NLRX1: variants seen among roughly 807,000 people sequenced by gnomAD.
The protein encoded by NLRX1 is NLR family member X1, also known as NOD-like receptor X1.
A neutral mutation model predicts 74.2 loss-of-function variants in NLRX1; 67 were observed. The ratio of observed to expected loss-of-function variants is 0.90; its 90% CI spans 0.74 to 1.11. The LOEUF (loss-of-function observed/expected upper bound fraction) is 1.11, where lower values mean the gene tolerates loss of function less well. NLRX1 is among the 50% of genes least tolerant of loss of function. NLRX1 has a pLI of 0.00. For missense variants in NLRX1, 1,191 were observed against 1,305.4 expected (o/e 0.91, Z 1.35); for synonymous variants, 506 against 559.1 (o/e 0.91, Z 1.34).
rs144920564 is a variant in NLRX1, at chr11:119,174,016, C to T, written c.767C>T (p.Thr256Met). Residue 256 changes from threonine to methionine, a missense_variant, in exon 5 of 10, where the codon ACG (threonine) becomes ATG (methionine). Coordinates refer to ENST00000409109, the MANE Select transcript of NLRX1 (RefSeq NM_001282144.2). Reference protein sequence around the residue: ...HLNLDFRLAGTGLCSDPEEPQ... With the variant: ...HLNLDFRLAGMGLCSDPEEPQ... Reference sequence around the variant, plus strand: ...AACCTCGACTTCCGGCTGGCAGGCACGGGACTTTGTAGTGACCCGGAGGAA... The same window carrying T: ...AACCTCGACTTCCGGCTGGCAGGCATGGGACTTTGTAGTGACCCGGAGGAA... 86 of 1,614,148 alleles carry T rather than the reference C, an allele frequency of 5.3e-5. 1 individual carries two copies. In the Middle Eastern group the frequency reaches 6.6e-4, roughly 12 times the overall value.
intron 3 of NLRX1, 25 bp from the exon 4 acceptor site, chr11:119,172,876 G>C (rs769074117): frequency 1.4e-5 from 22 of 1,580,268 alleles, no homozygotes; most frequent in Non-Finnish European, 1.8e-5. Context: ...ACAAGTCCCA[G>C]CTCATCCCCT....
intron 6 of NLRX1, among the ~76,000 whole-genome samples, chr11:119,178,145 G>A (rs990950021): frequency 2.6e-5 from 4 of 152,126 alleles, no homozygotes; most frequent in Non-Finnish European, 5.9e-5. Context: ...TCCAGCCTAG[G>A]TGACACAGCA....
At chr11:119,179,584 G>T in intron 6 of NLRX1, 109 bp from the exon 7 acceptor site, 1 of 910,166 alleles carries the variant, frequency 1.1e-6, no homozygotes, top group Non-Finnish European at 1.7e-6. Flanking sequence ...CTAAGTTCAA[G>T]GGGAGATCAC....
At position 119,180,154 on chromosome 11, in the gene NLRX1, C is replaced by G; in HGVS notation, c.2133C>G (p.Val711=). 1 of 1,613,490 alleles carries G rather than the reference C, an allele frequency of 6.2e-7. No homozygotes were observed. Among genetic ancestry groups the G allele is most frequent in the Middle Eastern group, 1.6e-4 (1 of 6,062 alleles). Residue 711 remains valine, a synonymous_variant, in exon 7 of 10, where the codon GTC becomes GTG. Transcript: ENST00000409109. Reference sequence around the variant, plus strand: ...TGGCAGGTGTGCGCATGACACCAGTCAAGTGCACAGTGGTGGCAGCTGTGC... The same window carrying G: ...TGGCAGGTGTGCGCATGACACCAGTGAAGTGCACAGTGGTGGCAGCTGTGC... The part of the protein sequence containing the change: ...LNLAGVRMTP[V]KCTVVAAVLG...
At position 119,174,739 on chromosome 11, in the gene NLRX1, C is replaced by A; in HGVS notation, c.1136C>A (p.Ala379Asp). The A allele has an allele frequency of 6.2e-7, 1 of 1,613,802 alleles. No homozygotes were observed. The highest frequency in any genetic ancestry group is 8.5e-7 in the Non-Finnish European group (1 of 1,180,044). The change falls in exon 6 of 10, where the codon GCC (alanine) becomes GAC (aspartate). Residue 379 changes from alanine (A) to aspartate (D), a missense_variant. By Grantham distance (126) the Ala-to-Asp change is moderately radical (BLOSUM62 -2). Coordinates refer to ENST00000409109, the MANE Select transcript of NLRX1 (RefSeq NM_001282144.2). Reference protein sequence around the residue: ...FLPSYCWLVCATLHFLHAPTP... With the variant: ...FLPSYCWLVCDTLHFLHAPTP... ...CCGTCCTATTGCTGGCTCGTTTGTGCCACCTTGCACTTCCTGCATGCCCCC... is the reference window on the plus strand; with the variant it reads ...CCGTCCTATTGCTGGCTCGTTTGTGACACCTTGCACTTCCTGCATGCCCCC...
Position 119,180,069 on chromosome 11 carries a change from A to C in NLRX1, c.2048A>C (p.Tyr683Ser). Residue 683 changes from tyrosine (Y) to serine (S), a missense_variant, in exon 7 of 10, where the codon TAT (tyrosine) becomes TCT (serine). Tyr to Ser is a moderately radical substitution (Grantham distance 144). Transcript: ENST00000409109. Reference protein sequence around the residue: ...SELLDHLFFHYEFQNQRFSAE... With the variant: ...SELLDHLFFHSEFQNQRFSAE... ...CTCCTTGACCACCTCTTCTTCCACT[A>C]TGAGTTCCAGAACCAGCGCTTCTCC... The C allele has an allele frequency of 1.2e-6, 2 of 1,613,642 alleles. No individual in the cohort carries two copies. Among genetic ancestry groups the C allele is most frequent in the Non-Finnish European group, 1.7e-6 (2 of 1,179,978 alleles).
rs188616690 is a variant in NLRX1, at chr11:119,172,410, C to G, written c.125C>G (p.Pro42Arg). Residue 42 changes from proline (P) to arginine (R), a missense_variant, in exon 3 of 10, where the codon CCC becomes CGC. Coordinates refer to ENST00000409109, the MANE Select transcript of NLRX1 (RefSeq NM_001282144.2). ...HWSWPLQGER[P>R]FGPPRAFIRH... The stretch of plus-strand genomic sequence containing the variant: ...AGTTGGCCCCTTCAAGGGGAGCGTC[C>G]CTTTGGGCCCCCTAGGTGAGGCCTG... The G allele has an allele frequency of 1.9e-6, 3 of 1,613,112 alleles. No homozygotes were observed. The African/African-American group carries it at 4.0e-5, about 22-fold the overall frequency.
chr11:119,171,457 A>G lies in NLRX1; in HGVS notation c.54A>G (p.Arg18=), dbSNP rs751393236. 6.2e-7 allele frequency: 1 copy of G among 1,613,366 alleles called. No individual in the cohort carries two copies. The highest frequency in any genetic ancestry group is 8.5e-7 in the Non-Finnish European group (1 of 1,179,556). Residue 18 remains arginine (R), a synonymous_variant, in exon 2 of 10, where the codon AGA becomes AGG. Transcript: ENST00000409109. ...CCTCTTGGGGCTCTGGTTTTAGAAGAGCACTCCAGCGACCAGGTGAGCAGG... is the reference window on the plus strand; with the variant it reads ...CCTCTTGGGGCTCTGGTTTTAGAAGGGCACTCCAGCGACCAGGTGAGCAGG... The part of the protein sequence containing the change: ...PRASWGSGFR[R]ALQRPDDRIP...
chr11:119,176,966 G>T (rs1369744025), intron 6 of NLRX1, among the ~76,000 whole-genome samples: 1 of 152,204 alleles, frequency 6.6e-6, no homozygotes, highest in African/African-American at 2.4e-5. Context: ...CTGTGCCTCA[G>T]ATTCCTTATC....
At chr11:119,171,882 G>A (rs1451292076) in intron 2 of NLRX1, among the ~76,000 whole-genome samples, 2 of 152,026 alleles carry the variant, frequency 1.3e-5, no homozygotes, top group Non-Finnish European at 2.9e-5. Context: ...TTTGAACCGG[G>A]AGGCAGAAGT....
chr11:119,171,355 G>A lies in NLRX1; in HGVS notation c.-48-1G>A. The A allele has an allele frequency of 6.2e-7, 1 of 1,608,270 alleles. No individual in the cohort carries two copies. Among genetic ancestry groups the A allele is most frequent in the Middle Eastern group, 1.9e-4 (1 of 5,138 alleles). On this transcript the variant is annotated splice_acceptor_variant, in intron 1 of 9. Coordinates refer to ENST00000409109, the MANE Select transcript of NLRX1 (RefSeq NM_001282144.2). LOFTEE classifies it low-confidence loss of function (5UTR_SPLICE). ...ATCCATTCGTACTATTCTTCTTGCA[G>A]GACAGAAGTCGGTCCTAGGCCCCCC...
rs1487600704 is a variant in NLRX1, at chr11:119,168,976, C to G, written c.-375C>G. ...GGGGACTCTGGGAGCTAGCGGGAGA[C>G]GCCGGCGTCCGCCCAGCCGACCCCT... On this transcript the variant is annotated 5_prime_UTR_variant, in exon 1 of 10. Coordinates refer to ENST00000409109, the MANE Select transcript of NLRX1 (RefSeq NM_001282144.2). The G allele has an allele frequency of 6.6e-6, 1 of 152,252 alleles. No homozygotes were observed. Among genetic ancestry groups the G allele is most frequent in the Non-Finnish European group, 1.5e-5 (1 of 68,068 alleles). 9.4% of individuals were successfully genotyped at this position (152,252 alleles called of 1,614,324 possible). A position where few individuals can be genotyped will look rare whatever the true frequency, so the allele number is the denominator to read the frequency against.
Position 119,173,558 on chromosome 11 carries a change from CT to C in NLRX1, c.312del (p.Phe104LeufsTer3). Reference protein sequence around the residue: ...PREERQFGPTFALDTVHVDPV... With the variant: ...PREERQFGPTXALDTVHVDPV... ...GGGAGGAGCGCCAGTTTGGCCCAAC[CT>C]TTGCCCTAGACACGGTCCACGTTGA... On this transcript the variant is annotated frameshift_variant, in exon 5 of 10. Coordinates refer to ENST00000409109, the MANE Select transcript of NLRX1 (RefSeq NM_001282144.2). LOFTEE classifies it high-confidence loss of function. This position sits in a 1 kb window ranked among gnomAD's most constrained non-coding sequence, Gnocchi z 4.0. The C allele has an allele frequency of 1.2e-6, 2 of 1,614,184 alleles. No homozygotes were observed. Among genetic ancestry groups the C allele is most frequent in the Non-Finnish European group, 1.7e-6 (2 of 1,180,046 alleles).
At chr11:119,177,169 C>T (rs1237926730) in intron 6 of NLRX1, among the ~76,000 whole-genome samples, 2 of 151,948 alleles carry the variant, frequency 1.3e-5, no homozygotes, top group Non-Finnish European at 2.9e-5. Flanking sequence ...GCAACCTCCA[C>T]CTCCCGGATT....
intron 8 of NLRX1, 32 bp from the exon 9 acceptor site, chr11:119,182,062 C>T (rs753927488): frequency 3.1e-6 from 5 of 1,604,988 alleles, no homozygotes; most frequent in East Asian, 2.2e-5. Flanking sequence ...TCTCAATGAG[C>T]CCTCATAACC....
rs760586955 is a variant in NLRX1 at position 119,172,424 on chromosome 11, A to C, written c.139A>C (p.Arg47=). The change falls in exon 3 of 10, where the codon AGG becomes CGG. Residue 47 remains arginine (R), a splice_region_variant and synonymous_variant. Transcript: ENST00000409109. ...AGGGGAGCGTCCCTTTGGGCCCCCT[A>C]GGTGAGGCCTGGGTGTCATACCTTA... ...LQGERPFGPP[R]AFIRHHGSSV... 1 of 1,610,264 alleles carries C rather than the reference A, an allele frequency of 6.2e-7. No homozygotes were observed. Among genetic ancestry groups the C allele is most frequent in the Non-Finnish European group, 8.5e-7 (1 of 1,176,520 alleles).
upstream of NLRX1, chr11:119,168,422 C>G (rs1259247508): frequency 6.6e-6 from 1 of 152,246 alleles, no homozygotes; most frequent in East Asian, 1.9e-4. Flanking sequence ...CCCAAGGAAG[C>G]CTTAGGCTCA....
At chr11:119,169,822 T>C (rs2135148401) in intron 1 of NLRX1, among the ~76,000 whole-genome samples, 1 of 151,880 alleles carries the variant, frequency 6.6e-6, no homozygotes, top group East Asian at 1.9e-4. Flanking sequence ...GAAAACCCCG[T>C]CTCTACAAAA....
In NLRX1 at chr11:119,173,354, C is replaced by T. The variant is rs111848401; in HGVS notation, c.230-125C>T. On this transcript the variant is annotated intron_variant, in intron 4 of 9. Coordinates refer to ENST00000409109, the MANE Select transcript of NLRX1 (RefSeq NM_001282144.2). The surrounding 1 kb of genome is among the most constrained non-coding windows in gnomAD (Gnocchi z 4.0). ...ATTTTCTCAGGGAGTCTTGTGTGCC[C>T]ACCATTGTGGGCCCCAGCATCTATG... is the stretch of plus-strand genomic sequence containing the variant. The T allele has an allele frequency of 2.5e-4, 257 of 1,041,390 alleles. 1 individual carries two copies. In the African/African-American group the frequency reaches 3.6e-3, roughly 15 times the overall value. The allele number at this position is 1,041,390 out of a possible 1,614,324, so 64.5% of individuals were successfully genotyped here. A position where few individuals can be genotyped will look rare whatever the true frequency, so the allele number is the denominator to read the frequency against.
Sources: allele counts gnomAD v4.1 joint callset (sites outside exome capture counted in the v4.1 genomes callset), GRCh38; gene constraint gnomAD v4.1.1; non-coding constraint Gnocchi (gnomAD v3.1); transcripts MANE v1.5; gene names NCBI Gene and HGNC (gene_info 2026-07-23, HGNC 2026-07-21).